The following RAP1GAP2 variants were observed in gnomAD, a reference collection of about 807,000 sequenced individuals.
RAP1GAP2 encodes the protein rap1 GTPase-activating protein 2.
RAP1GAP2 carries 27 observed loss-of-function variants against 95.0 expected under a neutral mutation model. The ratio of observed to expected loss-of-function variants is 0.28; its 90% CI spans 0.21 to 0.39. RAP1GAP2 has a LOEUF of 0.39. RAP1GAP2 is among the 10% of genes least tolerant of loss of function. The pLI is 1.00. For missense variants in RAP1GAP2, 771 were observed against 970.0 expected, an observed-to-expected ratio of 0.79 and a Z score of 2.72; for synonymous variants, 373 against 380.9, an observed-to-expected ratio of 0.98 and a Z score of 0.24.
intron 2 of RAP1GAP2, among the ~76,000 whole-genome samples, chr17:2,821,272 C>T (rs2070293858): frequency 6.6e-6 from 1 of 151,868 alleles, no homozygotes; most frequent in African/African-American, 2.4e-5. Context: ...ATAGTACATG[C>T]TCACTGTAGA....
chr17:3,009,737 C>T (rs1226147280), intron 17 of RAP1GAP2, among the ~76,000 whole-genome samples: 1 of 152,070 alleles, frequency 6.6e-6, no homozygotes, highest in Non-Finnish European at 1.5e-5. Flanking sequence ...TCCTGGGGCA[C>T]CTGTTTCAGT....
chr17:2,849,337 G>A (rs553697938), intron 2 of RAP1GAP2, among the ~76,000 whole-genome samples: 3 of 152,320 alleles, frequency 2.0e-5, no homozygotes, highest in Non-Finnish European at 2.9e-5. Flanking sequence ...GCAGTGGGGC[G>A]CTGGGAGTTG....
intron 17 of RAP1GAP2, among the ~76,000 whole-genome samples, chr17:3,012,389 A>G (rs554854631): frequency 1.3e-5 from 2 of 151,948 alleles, no homozygotes; most frequent in Non-Finnish European, 2.9e-5. Flanking sequence ...AGGCCGAGGC[A>G]GGTGGATCAC....
chr17:2,760,731 C>T (rs1022064646), intron 1 of RAP1GAP2, among the ~76,000 whole-genome samples: 3 of 151,478 alleles, frequency 2.0e-5, no homozygotes, highest in African/African-American at 4.9e-5. Context: ...TACCGCATTA[C>T]GTTTAGTTCC....
chr17:2,913,476 A>G (rs771623719), intron 3 of RAP1GAP2, among the ~76,000 whole-genome samples: 1 of 152,172 alleles, frequency 6.6e-6, no homozygotes, highest in Admixed American at 6.5e-5. Flanking sequence ...TTTAGTAGAG[A>G]TGGGGTTTCA....
At chr17:2,810,808 C>T (rs1027924452) in intron 2 of RAP1GAP2, among the ~76,000 whole-genome samples, 2 of 152,066 alleles carry the variant, frequency 1.3e-5, no homozygotes, top group Admixed American at 6.6e-5. Context: ...GGATTACAGG[C>T]GTGAGCCACC....
chr17:2,932,034 A>G (rs577869419), intron 3 of RAP1GAP2, among the ~76,000 whole-genome samples: 1 of 152,312 alleles, frequency 6.6e-6, no homozygotes, highest in African/African-American at 2.4e-5. Context: ...CATTTGATCA[A>G]CACCTGCTCT....
At chr17:3,014,544 GATTTTT>G (rs1408419093) in intron 17 of RAP1GAP2, among the ~76,000 whole-genome samples, 4 of 99,982 alleles carry the variant, frequency 4.0e-5, no homozygotes, top group Non-Finnish European at 5.5e-5. Context: ...TAAAGATGCT[GATTTTT>G]TTTTTTTTTT....
Position 3,027,356 on chromosome 17 carries a change from C to CT in RAP1GAP2, c.2107+289dup. Reference sequence around the variant, plus strand: ...GGATTGGCAGTGGGAAAGCTGAGCACTTTCCATTAGCCCTTCTCCCCACCT... The same window carrying CT: ...GGATTGGCAGTGGGAAAGCTGAGCACTTTTCCATTAGCCCTTCTCCCCACCT... On this transcript the variant is annotated intron_variant, in intron 22 of 24. Transcript: ENST00000254695. The surrounding 1 kb of genome is among the most constrained non-coding windows in gnomAD (Gnocchi z 5.2). 6.6e-6 allele frequency among the ~76,000 whole-genome samples: 1 copy of CT among 152,306 alleles called. No individual in the cohort carries two copies. Among genetic ancestry groups the CT allele is most frequent in the East Asian group, 1.9e-4 (1 of 5,172 alleles).
chr17:2,833,689 C>CA (rs112909808), intron 2 of RAP1GAP2, among the ~76,000 whole-genome samples: 10,426 of 52,818 alleles, frequency 0.2, 915 homozygotes, highest in Non-Finnish European at 0.26. Context: ...GACTCCGTCT[C>CA]AAAAAAAAAA....
chr17:2,950,498 G>C (rs932847676), intron 3 of RAP1GAP2, among the ~76,000 whole-genome samples: 1 of 152,006 alleles, frequency 6.6e-6, no homozygotes, highest in African/African-American at 2.4e-5. Flanking sequence ...TCTAGGAGCT[G>C]CTATTTACTG....
chr17:2,931,280 T>TGTGTGTGTGTGTGTGTGTG (rs2043143190), intron 3 of RAP1GAP2, among the ~76,000 whole-genome samples: 12 of 146,756 alleles, frequency 8.2e-5, no homozygotes, highest in African/African-American at 2.8e-4. Flanking sequence ...TGAGTGTTTC[T>TGTGTGTGTGTGTGTGTGTG]TGTGTGTGTG....
At chr17:2,964,097 G>A in intron 7 of RAP1GAP2, 29 bp downstream of exon 7, 2 of 1,581,628 alleles carry the variant, frequency 1.3e-6, no homozygotes, top group South Asian at 1.1e-5. Context: ...AGCTGCTGGG[G>A]GTTGGGGGCA....
chr17:3,002,324 G>C (rs945326983), intron 14 of RAP1GAP2, among the ~76,000 whole-genome samples: 1 of 152,198 alleles, frequency 6.6e-6, no homozygotes, highest in Admixed American at 6.5e-5. Context: ...ATGAGAAGCA[G>C]GGGGGCAGGG....
rs1265953014 is a variant in RAP1GAP2 at position 2,777,991 on chromosome 17, GGGGAGGCTGGGAGGCT to G, written c.-14+721_-14+736del. On this transcript the variant is annotated intron_variant, in intron 1 of 24. Coordinates refer to the RAP1GAP2 transcript ENST00000540393. Reference sequence around the variant, plus strand: ...CGGGGAGGCTGGGAGGCTGGGAGGCGGGGAGGCTGGGAGGCTGGGAGGCGGGGAGGCTGGGAGGCTG... The same window carrying G: ...CGGGGAGGCTGGGAGGCTGGGAGGCGGGGAGGCGGGGAGGCTGGGAGGCTG... Among the ~76,000 whole-genome samples, 9 of 42,098 alleles carry G rather than the reference GGGGAGGCTGGGAGGCT, an allele frequency of 2.1e-4. 1 individual carries two copies. In the East Asian group the frequency reaches 0.019, roughly 89 times the overall value. 27.6% of individuals were successfully genotyped at this position (42,098 alleles called of 152,430 possible).
upstream of RAP1GAP2, chr17:2,796,397 A>G: frequency 1.0e-6 from 1 of 990,594 alleles, no homozygotes; most frequent in Admixed American, 2.1e-5. This position sits in a 1 kb window ranked among gnomAD's most constrained non-coding sequence, Gnocchi z 4.7. Flanking sequence ...GGGGCAGGCG[A>G]AGAGGGAGGT....
chr17:2,917,098 G>T (rs2042596913), intron 3 of RAP1GAP2, among the ~76,000 whole-genome samples: 1 of 152,098 alleles, frequency 6.6e-6, no homozygotes, highest in Non-Finnish European at 1.5e-5. Flanking sequence ...CTTTCCTTTG[G>T]ATTGGCCACA....
In RAP1GAP2 at chr17:2,963,329, G is replaced by GC. The variant is rs1184017143; in HGVS notation, c.247-94dup. On this transcript the variant is annotated intron_variant, in intron 5 of 24. Transcript: ENST00000254695. The surrounding 1 kb of genome is among the most constrained non-coding windows in gnomAD (Gnocchi z 4.8). ...TTCCATCGAATGTTCCTCCCTCAAAGCCCCCCCACAACATATCCCCCTTGC... is the reference window on the plus strand; with the variant it reads ...TTCCATCGAATGTTCCTCCCTCAAAGCCCCCCCCACAACATATCCCCCTTGC... The GC allele has an allele frequency of 3.1e-5, 41 of 1,339,226 alleles. 1 individual carries two copies. The highest frequency in any genetic ancestry group is 8.3e-5 in the South Asian group (7 of 84,764). The allele number at this position is 1,339,226 out of a possible 1,614,324, so 83.0% of individuals were successfully genotyped here. A position where few individuals can be genotyped will look rare whatever the true frequency, so the allele number is the denominator to read the frequency against.
chr17:3,011,198 G>A (rs2046527707), intron 17 of RAP1GAP2, among the ~76,000 whole-genome samples: 1 of 152,104 alleles, frequency 6.6e-6, no homozygotes, highest in Non-Finnish European at 1.5e-5. Flanking sequence ...AAAGTGCTGG[G>A]ATTACAGGTG....
Sources: allele counts gnomAD v4.1 joint callset (sites outside exome capture counted in the v4.1 genomes callset), GRCh38; gene constraint gnomAD v4.1.1; non-coding constraint Gnocchi (gnomAD v3.1); transcripts MANE v1.5; gene names NCBI Gene and HGNC (gene_info 2026-07-23, HGNC 2026-07-21).